The following PPFIBP2 variants were observed in gnomAD, a reference collection of about 807,000 sequenced individuals.
PPFIBP2 encodes the protein liprin-beta-2.
A neutral mutation model predicts 118.3 loss-of-function variants in PPFIBP2; 118 were observed. The ratio of observed to expected loss-of-function variants is 1.00; its 90% CI spans 0.86 to 1.16. The LOEUF (loss-of-function observed/expected upper bound fraction) is 1.16, where lower values mean the gene tolerates loss of function less well. Among genes scored for constraint, PPFIBP2 ranks in the 50% most tolerant of loss-of-function variants. PPFIBP2 has a pLI of 0.00. For synonymous variants in PPFIBP2, 414 were observed against 397.4 expected, an observed-to-expected ratio of 1.04 and a Z score of -0.50; for missense variants, 1,195 against 1,073.1, an observed-to-expected ratio of 1.11 and a Z score of -1.59.
At chr11:7,585,984 C>A (rs569352806) in intron 3 of PPFIBP2, among the ~76,000 whole-genome samples, 1 of 152,226 alleles carries the variant, frequency 6.6e-6, no homozygotes, top group African/African-American at 2.4e-5. Context: ...AACACTTGTA[C>A]GAAAGAAAAA....
chr11:7,613,563 C>A (rs1479137805), intron 6 of PPFIBP2, among the ~76,000 whole-genome samples: 3 of 152,122 alleles, frequency 2.0e-5, no homozygotes, highest in African/African-American at 2.4e-5. Context: ...AGACGTATTC[C>A]TGAAAAGTAG....
At chr11:7,593,065 C>A in intron 3 of PPFIBP2, 67 bp from the exon 4 acceptor site, 3 of 1,586,412 alleles carry the variant, frequency 1.9e-6, no homozygotes, top group Middle Eastern at 1.7e-4. Context: ...TCCCTTATTT[C>A]ATTTAGAAGT....
At chr11:7,617,244 GC>G in intron 6 of PPFIBP2, 1 of 985,432 alleles carries the variant, frequency 1.0e-6, no homozygotes, top group Non-Finnish European at 1.2e-6. Flanking sequence ...CGACGGTGTG[GC>G]CGAGCCCCAG....
At chr11:7,559,803 A>G (rs1189456034) in intron 2 of PPFIBP2, among the ~76,000 whole-genome samples, 1 of 152,184 alleles carries the variant, frequency 6.6e-6, no homozygotes, top group East Asian at 1.9e-4. Flanking sequence ...TCCTCCCTAT[A>G]TCTGGGTATT....
intron 3 of PPFIBP2, chr11:7,577,309 GCA>G (rs1670046148): frequency 7.2e-6 from 2 of 277,824 alleles, no homozygotes; most frequent in South Asian, 3.3e-5. Flanking sequence ...GCGTGTGCGT[GCA>G]TGTATGTGCG....
intron 12 of PPFIBP2, among the ~76,000 whole-genome samples, chr11:7,634,284 A>G (rs1244068457): frequency 6.6e-6 from 1 of 152,242 alleles, no homozygotes; most frequent in Non-Finnish European, 1.5e-5. Flanking sequence ...TGACCCTGTC[A>G]TGCCCTTACT....
chr11:7,646,745 C>T lies in PPFIBP2; in HGVS notation c.1647-1642C>T, dbSNP rs1168612615. Among the ~76,000 whole-genome samples, 6 of 152,158 alleles carry T rather than the reference C, an allele frequency of 3.9e-5. No homozygotes were observed. In the East Asian group the frequency reaches 9.6e-4, roughly 24 times the overall value. ...ATCTCTAAAAATAATTAATTACTAA[C>T]ACCCTGTCTCTAAAATAAATACCCC... On this transcript the variant is annotated intron_variant, in intron 17 of 23. Coordinates refer to ENST00000299492, the MANE Select transcript of PPFIBP2 (RefSeq NM_003621.5).
chr11:7,636,453 T>C (rs1590733365), intron 14 of PPFIBP2, among the ~76,000 whole-genome samples: 1 of 152,290 alleles, frequency 6.6e-6, no homozygotes, highest in African/African-American at 2.4e-5. Flanking sequence ...AGCAAAAGTC[T>C]TCTGCCTGCT....
intron 21 of PPFIBP2, among the ~76,000 whole-genome samples, chr11:7,650,338 A>G (rs1351925039): frequency 1.3e-5 from 2 of 152,044 alleles, no homozygotes; most frequent in Non-Finnish European, 2.9e-5. Flanking sequence ...TCCTTATTCA[A>G]CCAACATGTT....
chr11:7,530,550 T>C (rs566706246), intron 1 of PPFIBP2, among the ~76,000 whole-genome samples: 4 of 152,304 alleles, frequency 2.6e-5, no homozygotes, highest in Non-Finnish European at 4.4e-5. Context: ...TGTGAGGACA[T>C]AGCTGGAAGG....
At chr11:7,619,109 C>A (rs143577337) in intron 6 of PPFIBP2, among the ~76,000 whole-genome samples, 1 of 152,256 alleles carries the variant, frequency 6.6e-6, no homozygotes, top group African/African-American at 2.4e-5. Context: ...ATGTGCCAGG[C>A]ACTGCAGGAT....
intron 1 of PPFIBP2, among the ~76,000 whole-genome samples, chr11:7,526,240 G>A (rs1850212833): frequency 6.6e-6 from 1 of 152,196 alleles, no homozygotes; most frequent in African/African-American, 2.4e-5. Flanking sequence ...GGAAGGCTTT[G>A]TGGATCAACC....
At chr11:7,656,357 C>T (rs1035138359), downstream of PPFIBP2, among the ~76,000 whole-genome samples, 3 of 152,254 alleles carry the variant, frequency 2.0e-5, no homozygotes, top group East Asian at 3.9e-4. Flanking sequence ...AGGACAGGGA[C>T]ACACGACTCT....
intron 5 of PPFIBP2, among the ~76,000 whole-genome samples, chr11:7,604,365 G>A (rs1299048768): frequency 2.0e-5 from 3 of 152,128 alleles, no homozygotes; most frequent in African/African-American, 7.2e-5. Flanking sequence ...CCTAGTTGGT[G>A]AAGGCAGAAG....
downstream of PPFIBP2, among the ~76,000 whole-genome samples, chr11:7,654,191 G>A (rs1432327092): frequency 6.6e-6 from 1 of 152,234 alleles, no homozygotes; most frequent in Admixed American, 6.5e-5. Context: ...TAACCATGGT[G>A]GGGGCTGGTC....
chr11:7,622,178 A>G (rs547606370), intron 7 of PPFIBP2, among the ~76,000 whole-genome samples: 2 of 152,340 alleles, frequency 1.3e-5, no homozygotes, highest in East Asian at 3.9e-4. Context: ...GGAGTTTTCA[A>G]TCATGGCAGA....
At chr11:7,542,455 TTGTA>T (rs1459759011) in intron 1 of PPFIBP2, among the ~76,000 whole-genome samples, 2 of 152,214 alleles carry the variant, frequency 1.3e-5, no homozygotes, top group Non-Finnish European at 2.9e-5. Context: ...ACTCAAATAA[TTGTA>T]TGTAATTTGT....
intron 1 of PPFIBP2, among the ~76,000 whole-genome samples, chr11:7,516,253 C>T (rs568273341): frequency 2.0e-5 from 3 of 152,194 alleles, no homozygotes; most frequent in Admixed American, 6.5e-5. Flanking sequence ...GATAGGAAAC[C>T]GGGAGGCTGA....
At chr11:7,651,001 T>G (rs772699776) in intron 22 of PPFIBP2, 36 bp downstream of exon 22, 1 of 1,597,210 alleles carries the variant, frequency 6.3e-7, no homozygotes, top group Non-Finnish European at 8.6e-7. Context: ...CCTGCCTTGG[T>G]GCAAATGGGA....
Sources: allele counts gnomAD v4.1 joint callset (sites outside exome capture counted in the v4.1 genomes callset), GRCh38; gene constraint gnomAD v4.1.1; transcripts MANE v1.5; gene names NCBI Gene and HGNC (gene_info 2026-07-23, HGNC 2026-07-21).